AK3: variants seen among roughly 807,000 people sequenced by gnomAD.
AK3 encodes adenylate kinase 3, also known as GTP:AMP phosphotransferase AK3, mitochondrial.
A neutral mutation model predicts 23.7 loss-of-function variants in AK3; 27 were observed. The observed-to-expected ratio is 1.14, with a 90% CI of 0.84 to 1.57. The LOEUF is 1.57. Ranked by LOEUF, AK3 falls within the 40% of genes most tolerant of loss-of-function variation. AK3 has a pLI of 0.00. For synonymous variants in AK3, 159 were observed against 116.0 expected, an observed-to-expected ratio of 1.37 and a Z score of -2.38; for missense variants, 406 against 285.6, an observed-to-expected ratio of 1.42 and a Z score of -3.04.
rs574215828 is a variant in AK3, at chr9:4,711,695, A to T, written c.*1281T>A. ...GAAGACATAATCAAGTTTTTCCTCC[A>T]TCTCTCATATTTCCCCACTTCTACC... On this transcript the variant is annotated 3_prime_UTR_variant, in exon 5 of 5. Transcript: ENST00000381809. 2 of 152,282 alleles carry T rather than the reference A, an allele frequency of 1.3e-5. No homozygotes were observed. Among genetic ancestry groups the T allele is most frequent in the Admixed American group, 1.3e-4 (2 of 15,292 alleles). 9.4% of individuals were successfully genotyped at this position (152,282 alleles called of 1,614,324 possible).
intron 4 of AK3, among the ~76,000 whole-genome samples, chr9:4,717,759 C>T (rs367837337): frequency 6.6e-6 from 1 of 152,204 alleles, no homozygotes. Context: ...GATGATTTCG[C>T]CCAACTGTAG....
upstream of AK3, chr9:4,741,337 CAGCCGCGCA>C (rs141585773): frequency 0.43 from 145,953 of 343,412 alleles, 34,409 homozygotes; most frequent in Admixed American, 0.51. Flanking sequence ...TGTTCCCGCC[CAGCCGCGCA>C]AGCCGCGCAA....
chr9:4,728,558 G>A (rs1404393440), intron 1 of AK3, among the ~76,000 whole-genome samples: 3 of 152,058 alleles, frequency 2.0e-5, no homozygotes, highest in African/African-American at 7.2e-5. Flanking sequence ...GCAACAGAGT[G>A]AAACTGTGTC....
chr9:4,730,866 G>GA (rs1242659453), intron 1 of AK3, among the ~76,000 whole-genome samples: 3 of 151,958 alleles, frequency 2.0e-5, no homozygotes, highest in Non-Finnish European at 4.4e-5. Flanking sequence ...TAGTTATTGT[G>GA]AAAAAAATCT....
At chr9:4,733,206 C>A (rs897768177) in intron 1 of AK3, among the ~76,000 whole-genome samples, 3 of 151,968 alleles carry the variant, frequency 2.0e-5, no homozygotes, top group African/African-American at 7.3e-5. Context: ...CTAGCTCCTG[C>A]CAAAATGCTT....
chr9:4,719,332 A>G, intron 2 of AK3, 25 bp from the exon 3 acceptor site: 1 of 1,447,576 alleles, frequency 6.9e-7, no homozygotes. Flanking sequence ...AAAGAAAAAG[A>G]AGAAGAAAAA....
At chr9:4,728,924 A>C (rs1294265459) in intron 1 of AK3, among the ~76,000 whole-genome samples, 2 of 145,186 alleles carry the variant, frequency 1.4e-5, no homozygotes, top group Non-Finnish European at 3.0e-5. Flanking sequence ...CATACATATA[A>C]ATATATACAT....
chr9:4,714,157 TAC>T (rs1479769063), intron 4 of AK3, among the ~76,000 whole-genome samples: 2 of 141,508 alleles, frequency 1.4e-5, no homozygotes, highest in African/African-American at 3.0e-5. Context: ...CACCTCCACA[TAC>T]ACACACCTCC....
intron 1 of AK3, among the ~76,000 whole-genome samples, chr9:4,727,045 A>G (rs1416677106): frequency 6.6e-6 from 1 of 152,180 alleles, no homozygotes; most frequent in Admixed American, 6.6e-5. Context: ...AGTTCTCAAC[A>G]GTGGGCTTCA....
rs142031344 is a variant in AK3, at chr9:4,718,048, G to T, written c.563+371C>A. On this transcript the variant is annotated intron_variant, in intron 4 of 4. Transcript: ENST00000381809. ...GCATTCCCTGACTGTAGTTCAAGTT[G>T]GCTCCATCCGAGTGGTGCTCTGGGC... Among the ~76,000 whole-genome samples the T allele has an allele frequency of 2.0e-3, 301 of 152,274 alleles. 1 individual carries two copies. Among genetic ancestry groups the T allele is most frequent in the Middle Eastern group, 6.8e-3 (2 of 294 alleles).
At position 4,717,290 on chromosome 9, in the gene AK3, A is replaced by G. The variant is rs552058151; in HGVS notation, c.563+1129T>C. ...GGGGAGGCAGTCAATCCTCTGTAAGAAGCAGGAAGGCTCAGTAAGAAAACT... is the reference window on the plus strand; with the variant it reads ...GGGGAGGCAGTCAATCCTCTGTAAGGAGCAGGAAGGCTCAGTAAGAAAACT... On this transcript the variant is annotated intron_variant, in intron 4 of 4. Coordinates refer to ENST00000381809, the MANE Select transcript of AK3 (RefSeq NM_016282.4). Among the ~76,000 whole-genome samples the G allele has an allele frequency of 5.9e-5, 9 of 152,342 alleles. No homozygotes were observed. The East Asian group carries it at 1.7e-3, about 29-fold the overall frequency.
intron 1 of AK3, among the ~76,000 whole-genome samples, chr9:4,733,174 G>T (rs761995274): frequency 1.3e-5 from 2 of 152,070 alleles, no homozygotes; most frequent in Non-Finnish European, 2.9e-5. Flanking sequence ...TGTGCCAAGA[G>T]AAAAGGCTAC....
intron 4 of AK3, among the ~76,000 whole-genome samples, chr9:4,717,937 A>G (rs1841781384): frequency 6.6e-6 from 1 of 152,232 alleles, no homozygotes; most frequent in Non-Finnish European, 1.5e-5. Context: ...GAAGTGGACT[A>G]GTCAGTGTAA....
At chr9:4,719,089 A>G in intron 3 of AK3, 46 bp downstream of exon 3, 1 of 1,603,606 alleles carries the variant, frequency 6.2e-7, no homozygotes, top group East Asian at 2.2e-5. Context: ...GGGCAAGAGG[A>G]CTCAGGGACA....
At chr9:4,732,385 T>C (rs1159012416) in intron 1 of AK3, among the ~76,000 whole-genome samples, 1 of 152,208 alleles carries the variant, frequency 6.6e-6, no homozygotes, top group Non-Finnish European at 1.5e-5. Context: ...AGTAGGCTAT[T>C]TAAATTTTGG....
chr9:4,738,222 A>G (rs1563800781), intron 1 of AK3, among the ~76,000 whole-genome samples: 1 of 152,298 alleles, frequency 6.6e-6, no homozygotes, highest in East Asian at 1.9e-4. Context: ...CTGGAATGCA[A>G]TGGCGCCATC....
At chr9:4,715,486 C>A (rs1254908344) in intron 4 of AK3, among the ~76,000 whole-genome samples, 1 of 151,526 alleles carries the variant, frequency 6.6e-6, no homozygotes, top group Non-Finnish European at 1.5e-5. Flanking sequence ...TCTTGACCCA[C>A]TGGGTCCAAG....
intron 1 of AK3, among the ~76,000 whole-genome samples, chr9:4,733,696 G>C (rs558621871): frequency 6.6e-6 from 1 of 152,124 alleles, no homozygotes; most frequent in East Asian, 1.9e-4. Context: ...TTCTGATTTT[G>C]ACAATTACAT....
chr9:4,727,381 T>C (rs564341156), intron 1 of AK3, among the ~76,000 whole-genome samples: 10 of 152,230 alleles, frequency 6.6e-5, no homozygotes, highest in Non-Finnish European at 1.5e-4. Flanking sequence ...TGATCTTAGC[T>C]AGATTTTCTG....
Sources: allele counts gnomAD v4.1 joint callset (sites outside exome capture counted in the v4.1 genomes callset), GRCh38; gene constraint gnomAD v4.1.1; transcripts MANE v1.5; gene names NCBI Gene and HGNC (gene_info 2026-07-23, HGNC 2026-07-21).